PLEKHG1: variants seen among roughly 807,000 people sequenced by gnomAD.
The protein encoded by PLEKHG1 is pleckstrin homology and RhoGEF domain containing G1.
In PLEKHG1, 44 loss-of-function variants were observed where a neutral mutation model predicts 100.8. The ratio of observed to expected loss-of-function variants is 0.44; its 90% CI spans 0.34 to 0.56. PLEKHG1 has a LOEUF of 0.56. Among genes scored for constraint, PLEKHG1 ranks in the 20% least tolerant of loss-of-function variants. The probability of loss-of-function intolerance (pLI) is 0.01; values close to 1 mark genes in which losing one functional copy is unlikely to be tolerated. For synonymous variants in PLEKHG1, 640 were observed against 662.5 expected, an observed-to-expected ratio of 0.97 and a Z score of 0.52; for missense variants, 1,545 against 1,720.9, an observed-to-expected ratio of 0.90 and a Z score of 1.81.
intron 2 of PLEKHG1, among the ~76,000 whole-genome samples, chr6:150,737,822 G>A (rs1434622092): frequency 6.6e-6 from 1 of 151,678 alleles, no homozygotes; most frequent in Non-Finnish European, 1.5e-5. Flanking sequence ...TATCTATTTT[G>A]AATAAGCATC....
intron 2 of PLEKHG1, among the ~76,000 whole-genome samples, chr6:150,759,118 T>C (rs141588190): frequency 6.2e-4 from 94 of 152,136 alleles, no homozygotes; most frequent in African/African-American, 2.1e-3. Flanking sequence ...TGGCAAGAAA[T>C]GGGATGTCTT....
At chr6:150,824,450 C>T (rs1328075598) in intron 14 of PLEKHG1, among the ~76,000 whole-genome samples, 1 of 152,026 alleles carries the variant, frequency 6.6e-6, no homozygotes, top group Non-Finnish European at 1.5e-5. Flanking sequence ...AGCACAGAAC[C>T]AAAGCGACCT....
chr6:150,753,361 G>GA (rs1783636385), intron 2 of PLEKHG1, among the ~76,000 whole-genome samples: 1 of 151,852 alleles, frequency 6.6e-6, no homozygotes, highest in African/African-American at 2.4e-5. Flanking sequence ...ATTTTCTTTT[G>GA]AAAAAAGCCT....
chr6:150,711,487 G>T (rs1178227738), intron 3 of PLEKHG1, among the ~76,000 whole-genome samples: 2 of 152,156 alleles, frequency 1.3e-5, no homozygotes, highest in East Asian at 3.8e-4. Flanking sequence ...AGAACTCCAG[G>T]GTATGATCGA....
intron 3 of PLEKHG1, chr6:150,651,211 A>C (rs1179840205): frequency 6.6e-6 from 1 of 152,216 alleles, no homozygotes; most frequent in Non-Finnish European, 1.5e-5. Flanking sequence ...AGAAAGTGAA[A>C]TCACCTATTA....
intron 5 of PLEKHG1, among the ~76,000 whole-genome samples, chr6:150,798,644 G>T (rs929934129): frequency 1.3e-5 from 2 of 152,190 alleles, no homozygotes; most frequent in African/African-American, 4.8e-5. Context: ...TGCAATGGTG[G>T]AAGAGCATGT....
At chr6:150,646,813 T>C (rs1197550913) in intron 2 of PLEKHG1, among the ~76,000 whole-genome samples, 1 of 152,204 alleles carries the variant, frequency 6.6e-6, no homozygotes, top group Non-Finnish European at 1.5e-5. Flanking sequence ...CCCTCAAAAA[T>C]ATTCCCTTTC....
At chr6:150,804,733 C>A in exon 7 of PLEKHG1, 1 of 1,612,772 alleles carries the variant, frequency 6.2e-7, no homozygotes. Context: ...GCACGCGGTC[C>A]GGTTACAGGT....
At chr6:150,657,472 A>G (rs1779013775) in intron 3 of PLEKHG1, among the ~76,000 whole-genome samples, 3 of 152,210 alleles carry the variant, frequency 2.0e-5, no homozygotes, top group Admixed American at 2.0e-4. Context: ...AATTAAGTCA[A>G]AATTGTTTAA....
At chr6:150,712,112 G>A (rs747602289) in intron 3 of PLEKHG1, among the ~76,000 whole-genome samples, 2 of 152,226 alleles carry the variant, frequency 1.3e-5, no homozygotes, top group African/African-American at 2.4e-5. Context: ...GGAAGCCTTA[G>A]CCACTGCTTT....
intron 2 of PLEKHG1, among the ~76,000 whole-genome samples, chr6:150,760,886 G>A (rs1167386509): frequency 1.3e-5 from 2 of 151,870 alleles, no homozygotes. Context: ...TTTCTGCTAC[G>A]TTATTATTGT....
intron 5 of PLEKHG1, among the ~76,000 whole-genome samples, chr6:150,798,020 C>T (rs1161964582): frequency 6.6e-6 from 1 of 151,980 alleles, no homozygotes; most frequent in Admixed American, 6.6e-5. Flanking sequence ...ATTACACATC[C>T]TTATCTGTAG....
At chr6:150,830,923 G>A (rs2073065) in exon 15 of PLEKHG1, 242,021 of 1,613,948 alleles carry the variant, frequency 0.15, 19,031 homozygotes, top group Admixed American at 0.19. Flanking sequence ...CTGGTCACAG[G>A]ATTGTCAGGC....
chr6:150,730,108 A>G (rs1782165138), intron 1 of PLEKHG1, among the ~76,000 whole-genome samples: 1 of 152,194 alleles, frequency 6.6e-6, no homozygotes, highest in Non-Finnish European at 1.5e-5. Flanking sequence ...AGTCCTGATC[A>G]TCAATGTAGT....
exon 8 of PLEKHG1, chr6:150,809,244 C>T (rs1228882394): frequency 2.1e-5 from 34 of 1,614,056 alleles, no homozygotes; most frequent in African/African-American, 9.3e-5. Context: ...CTGCTCATCA[C>T]GAAGAAGAGA....
rs570567898 is a variant in PLEKHG1 at position 150,744,179 on chromosome 6, ATT to A, written c.411+10088_411+10089del. ...AAGCCCCGCCTCCCGGGTTCAAGTG[ATT>A]CTCCTGCCTTAGCCTCCCAAGTAGC... On this transcript the variant is annotated intron_variant, in intron 2 of 15. Transcript: ENST00000358517. Among the ~76,000 whole-genome samples the A allele has an allele frequency of 9.9e-5, 15 of 152,228 alleles. No individual in the cohort carries two copies. The East Asian group carries it at 1.2e-3, about 12-fold the overall frequency.
intron 3 of PLEKHG1, among the ~76,000 whole-genome samples, chr6:150,690,696 C>G (rs1780319893): frequency 6.6e-6 from 1 of 152,174 alleles, no homozygotes; most frequent in Non-Finnish European, 1.5e-5. Context: ...TGAAAATTAT[C>G]ATAGGATGTC....
chr6:150,686,787 C>A (rs1284981035), intron 3 of PLEKHG1: 1 of 152,528 alleles, frequency 6.6e-6, no homozygotes, highest in Non-Finnish European at 1.5e-5. Flanking sequence ...GGGTGTAGCA[C>A]CTGCAAGGAG....
intron 1 of PLEKHG1, among the ~76,000 whole-genome samples, chr6:150,611,972 G>T (rs1159964009): frequency 6.6e-6 from 1 of 150,610 alleles, no homozygotes; most frequent in Non-Finnish European, 1.5e-5. Flanking sequence ...TTGCACAATT[G>T]ACTCAAAGTC....
Sources: gnomAD v4.1 joint callset for allele counts (sites outside exome capture counted in the v4.1 genomes callset) on GRCh38, gnomAD v4.1.1 for gene constraint, MANE v1.5 for transcripts, NCBI Gene and HGNC (gene_info 2026-07-23, HGNC 2026-07-21) for gene names.